RIPOR2: variants seen among roughly 807,000 people sequenced by gnomAD.
RIPOR2 encodes rho family-interacting cell polarization regulator 2.
A neutral mutation model predicts 114.5 loss-of-function variants in RIPOR2; 39 were observed. The observed-to-expected ratio is 0.34, with a 90% CI of 0.26 to 0.44. RIPOR2 has a LOEUF of 0.44. RIPOR2 is among the 20% of genes least tolerant of loss of function. The pLI is 1.00. For synonymous variants in RIPOR2, 445 were observed against 484.4 expected, an observed-to-expected ratio of 0.92 and a Z score of 1.07; for missense variants, 1,007 against 1,255.1, an observed-to-expected ratio of 0.80 and a Z score of 2.99.
chr6:24,993,848 C>A (rs1402000606), intron 1 of RIPOR2, among the ~76,000 whole-genome samples: 3 of 152,180 alleles, frequency 2.0e-5, no homozygotes, highest in African/African-American at 7.2e-5. Flanking sequence ...TGCATATCCC[C>A]CAAAGATGAC....
At chr6:24,967,931 T>C (rs1257488169) in intron 1 of RIPOR2, among the ~76,000 whole-genome samples, 2 of 112,940 alleles carry the variant, frequency 1.8e-5, no homozygotes, top group South Asian at 5.4e-4. Flanking sequence ...TTTTTTTTTT[T>C]AGATGGAGTC....
At chr6:25,008,759 T>C (rs1775659211) in intron 1 of RIPOR2, among the ~76,000 whole-genome samples, 1 of 152,188 alleles carries the variant, frequency 6.6e-6, no homozygotes, top group Admixed American at 6.5e-5. Flanking sequence ...GTGGTAGAAA[T>C]TGGTCAGGAT....
chr6:25,033,777 A>G (rs74378127), intron 1 of RIPOR2, among the ~76,000 whole-genome samples: 2,423 of 152,320 alleles, frequency 0.016, 41 homozygotes, highest in East Asian at 0.081. Context: ...TACAATACAC[A>G]ATATAGTTTT....
chr6:24,997,099 T>C (rs1355883988), intron 1 of RIPOR2, among the ~76,000 whole-genome samples: 1 of 152,234 alleles, frequency 6.6e-6, no homozygotes, highest in African/African-American at 2.4e-5. Flanking sequence ...CCTTGTCTGC[T>C]CATTGGGCTC....
chr6:24,837,937 A>G (rs1054034717), intron 14 of RIPOR2, among the ~76,000 whole-genome samples: 5 of 152,182 alleles, frequency 3.3e-5, no homozygotes, highest in Admixed American at 6.5e-5. Flanking sequence ...TTTACGTCAT[A>G]TTGTGCCAAG....
At chr6:25,001,624 C>CA (rs747422738) in intron 1 of RIPOR2, among the ~76,000 whole-genome samples, 4,348 of 56,114 alleles carry the variant, frequency 0.077, 439 homozygotes, top group African/African-American at 0.23. Context: ...GACTTCATCT[C>CA]AAAAAAAAAA....
chr6:24,929,020 G>A (rs1241963305), intron 1 of RIPOR2, among the ~76,000 whole-genome samples: 1 of 152,036 alleles, frequency 6.6e-6, no homozygotes, highest in Non-Finnish European at 1.5e-5. Context: ...TAAGCAAACC[G>A]AGACATGAAA....
At chr6:25,025,253 A>G (rs546192392) in intron 1 of RIPOR2, among the ~76,000 whole-genome samples, 2 of 151,558 alleles carry the variant, frequency 1.3e-5, no homozygotes, top group African/African-American at 4.9e-5. Flanking sequence ...TCAAGGGGGG[A>G]AAAAGGTAAT....
chr6:24,894,115 A>G (rs1163909711), intron 1 of RIPOR2, among the ~76,000 whole-genome samples: 1 of 152,244 alleles, frequency 6.6e-6, no homozygotes, highest in African/African-American at 2.4e-5. Flanking sequence ...AGAAAGGTTC[A>G]TCTCCTGGTG....
At chr6:24,923,402 G>A (rs1376629053) in intron 1 of RIPOR2, among the ~76,000 whole-genome samples, 1 of 152,128 alleles carries the variant, frequency 6.6e-6, no homozygotes, top group Non-Finnish European at 1.5e-5. Flanking sequence ...GGAATTGTTG[G>A]ATCACCTGGC....
At chr6:24,963,837 A>G (rs1019094604) in intron 1 of RIPOR2, among the ~76,000 whole-genome samples, 1 of 151,952 alleles carries the variant, frequency 6.6e-6, no homozygotes, top group Admixed American at 6.6e-5. Context: ...AAATTCTCAT[A>G]CCTTATGTTT....
At chr6:25,023,209 G>A (rs1464725879) in intron 1 of RIPOR2, 3 of 644,494 alleles carry the variant, frequency 4.7e-6, no homozygotes, top group East Asian at 7.1e-5. Context: ...TGGGGGATCT[G>A]CAAATTGAGG....
In RIPOR2 at chr6:24,822,772, G is replaced by A. The variant is rs375166556; in HGVS notation, c.2868+2454C>T. ...TGGCCTCAGGTGATCCACCCGCCTC[G>A]GCTTCCCAAAGTGTTGGGATTACAG... On this transcript the variant is annotated intron_variant, in intron 19 of 21. Transcript: ENST00000643898. Among the ~76,000 whole-genome samples, 27 of 152,296 alleles carry A rather than the reference G, an allele frequency of 1.8e-4. No homozygotes were observed. The South Asian group carries it at 4.6e-3, about 26-fold the overall frequency.
At chr6:24,922,294 C>A (rs1227581452) in intron 1 of RIPOR2, among the ~76,000 whole-genome samples, 6 of 152,272 alleles carry the variant, frequency 3.9e-5, no homozygotes, top group Non-Finnish European at 8.8e-5. Flanking sequence ...AAAACTGACG[C>A]CCAGCTAGGA....
chr6:24,999,988 GCTGA>G (rs1160108375), intron 1 of RIPOR2, among the ~76,000 whole-genome samples: 2 of 152,210 alleles, frequency 1.3e-5, no homozygotes, highest in African/African-American at 2.4e-5. Context: ...AGGTCAGCCA[GCTGA>G]CTGAGATTTT....
At chr6:24,888,155 C>T (rs2113957367) in intron 1 of RIPOR2, among the ~76,000 whole-genome samples, 1 of 152,300 alleles carries the variant, frequency 6.6e-6, no homozygotes, top group African/African-American at 2.4e-5. Context: ...AGGAACATCT[C>T]TTGGGACTAT....
At chr6:24,875,097 C>T (rs915718192) in intron 2 of RIPOR2, among the ~76,000 whole-genome samples, 3 of 152,196 alleles carry the variant, frequency 2.0e-5, no homozygotes, top group East Asian at 1.9e-4. Context: ...CTGCCATCAC[C>T]GTGTGCACAA....
At chr6:25,023,817 G>C (rs534882017) in intron 1 of RIPOR2, 13 of 750,902 alleles carry the variant, frequency 1.7e-5, no homozygotes, top group Non-Finnish European at 3.2e-5. Context: ...TTTTTAACTC[G>C]ATCTCGAGGA....
chr6:24,982,390 T>G (rs1774333077), intron 1 of RIPOR2, among the ~76,000 whole-genome samples: 1 of 152,240 alleles, frequency 6.6e-6, no homozygotes, highest in South Asian at 2.1e-4. Context: ...GTGAATGAAA[T>G]TAATTTAGTG....
Sources: allele counts gnomAD v4.1 joint callset (sites outside exome capture counted in the v4.1 genomes callset), GRCh38; gene constraint gnomAD v4.1.1; transcripts MANE v1.5; gene names NCBI Gene and HGNC (gene_info 2026-07-23, HGNC 2026-07-21).